ANKRD55: variants seen among roughly 807,000 people sequenced by gnomAD.
ANKRD55 encodes ankyrin repeat domain-containing protein 55.
A neutral mutation model predicts 60.6 loss-of-function variants in ANKRD55; 41 were observed. That is an observed-to-expected ratio of 0.68 (90% CI 0.53 to 0.88). The LOEUF (loss-of-function observed/expected upper bound fraction) is 0.88. Among genes scored for constraint, ANKRD55 ranks in the 40% least tolerant of loss-of-function variants. The probability of loss-of-function intolerance (pLI) is 0.00; values close to 1 mark genes in which losing one functional copy is unlikely to be tolerated. For missense variants in ANKRD55, 732 were observed against 767.6 expected, an observed-to-expected ratio of 0.95 and a Z score of 0.55; for synonymous variants, 264 against 290.3, an observed-to-expected ratio of 0.91 and a Z score of 0.92.
At chr5:56,175,997 A>G (rs2111821909) in intron 4 of ANKRD55, among the ~76,000 whole-genome samples, 155 bp downstream of exon 4, 1 of 152,258 alleles carries the variant, frequency 6.6e-6, no homozygotes, top group South Asian at 2.1e-4. Flanking sequence ...CTAAGTGGGG[A>G]TATAAACGTT....
intron 2 of ANKRD55, among the ~76,000 whole-genome samples, chr5:56,225,722 C>G (rs1760094355): frequency 6.6e-6 from 1 of 152,132 alleles, no homozygotes; most frequent in African/African-American, 2.4e-5. Context: ...CATGAGTGAA[C>G]TCCCATTCAC....
intron 7 of ANKRD55, among the ~76,000 whole-genome samples, chr5:56,133,163 G>A (rs432502): frequency 0.11 from 17,329 of 152,092 alleles, 1,352 homozygotes; most frequent in East Asian, 0.39. Flanking sequence ...TTAATTGGCC[G>A]GGCACGATGG....
chr5:56,137,465 G>T, intron 7 of ANKRD55: 1 of 807,948 alleles, frequency 1.2e-6, no homozygotes, highest in Non-Finnish European at 2.2e-6. Flanking sequence ...CAGAAGAGGA[G>T]ATTGCCCAGA....
At position 56,112,511 on chromosome 5, in the gene ANKRD55, A is replaced by AAAAAAAAAACAAAAAAAAAAAC. The variant is rs61268045; in HGVS notation, c.966-730_966-729insGTTTTTTTTTTTGTTTTTTTTT. On this transcript the variant is annotated intron_variant, in intron 9 of 11. Transcript: ENST00000341048. ...GCAGGATCTCATCTCTAGCAAAAAA[A>AAAAAAAAAACAAAAAAAAAAAC]AAAAAAAAAAACAACCAAGGAAAGA... Among the ~76,000 whole-genome samples, 43 of 81,344 alleles carry AAAAAAAAAACAAAAAAAAAAAC rather than the reference A, an allele frequency of 5.3e-4. 1 individual carries two copies. Among genetic ancestry groups the AAAAAAAAAACAAAAAAAAAAAC allele is most frequent in the Admixed American group, 7.2e-4 (5 of 6,980 alleles). The allele number at this position is 81,344 out of a possible 152,430, so 53.4% of individuals were successfully genotyped here.
chr5:56,183,921 G>T (rs1444587599), intron 2 of ANKRD55, among the ~76,000 whole-genome samples: 1 of 152,196 alleles, frequency 6.6e-6, no homozygotes, highest in Non-Finnish European at 1.5e-5. Flanking sequence ...AAGCCAGGGA[G>T]CCCAGAGAGG....
intron 11 of ANKRD55, among the ~76,000 whole-genome samples, chr5:56,102,054 C>G (rs111620450): frequency 1.3e-5 from 2 of 151,834 alleles, no homozygotes; most frequent in Admixed American, 1.3e-4. Context: ...CTCTGTTTTC[C>G]TGTAATTTAT....
chr5:56,165,797 T>C (rs1022166094), intron 5 of ANKRD55, among the ~76,000 whole-genome samples: 1 of 151,984 alleles, frequency 6.6e-6, no homozygotes, highest in Non-Finnish European at 1.5e-5. Flanking sequence ...GGCATGGTGG[T>C]GCGTGTCTGT....
At chr5:56,232,745 AACACACACACAC>A (rs142447793) in intron 2 of ANKRD55, 99 bp downstream of exon 2, 2 of 870,944 alleles carry the variant, frequency 2.3e-6, no homozygotes, top group Non-Finnish European at 3.6e-6. Flanking sequence ...CACGCACATG[AACACACACACAC>A]ACACACACAC....
intron 7 of ANKRD55, among the ~76,000 whole-genome samples, chr5:56,136,282 G>A (rs191556213): frequency 3.9e-5 from 6 of 152,204 alleles, no homozygotes; most frequent in African/African-American, 1.4e-4. Context: ...TATATGGAGA[G>A]GCAAAAGACA....
chr5:56,139,235 T>C (rs1055751742), intron 7 of ANKRD55, among the ~76,000 whole-genome samples: 2 of 152,176 alleles, frequency 1.3e-5, no homozygotes, highest in African/African-American at 4.8e-5. Context: ...ATTAACCCCA[T>C]TGGCCTGAGA....
At chr5:56,157,812 C>T (rs896562807) in intron 6 of ANKRD55, among the ~76,000 whole-genome samples, 3 of 152,120 alleles carry the variant, frequency 2.0e-5, no homozygotes, top group Admixed American at 6.6e-5. Context: ...ACTCAGAGAC[C>T]GGAGCCGGCG....
At chr5:56,102,281 T>C (rs1405037257) in intron 11 of ANKRD55, among the ~76,000 whole-genome samples, 2 of 151,988 alleles carry the variant, frequency 1.3e-5, no homozygotes, top group Non-Finnish European at 2.9e-5. Context: ...TCCCAGCTAC[T>C]TGGGAGGCTG....
chr5:56,153,575 C>T (rs1459498645), intron 6 of ANKRD55, among the ~76,000 whole-genome samples: 1 of 152,204 alleles, frequency 6.6e-6, no homozygotes, highest in Non-Finnish European at 1.5e-5. Flanking sequence ...TGCCGTGGCT[C>T]ACGCCTGTAA....
At chr5:56,112,068 A>T (rs1489416602) in intron 9 of ANKRD55, among the ~76,000 whole-genome samples, 1 of 152,158 alleles carries the variant, frequency 6.6e-6, no homozygotes, top group East Asian at 1.9e-4. Flanking sequence ...TTACACCTAG[A>T]TCATCTGTTT....
chr5:56,124,958 T>C (rs1757196631), intron 8 of ANKRD55, among the ~76,000 whole-genome samples: 1 of 152,238 alleles, frequency 6.6e-6, no homozygotes. Context: ...AGGACTCTTC[T>C]GGATATTTTA....
intron 4 of ANKRD55, among the ~76,000 whole-genome samples, chr5:56,175,138 A>G (rs1252528496): frequency 6.6e-6 from 1 of 152,234 alleles, no homozygotes; most frequent in Non-Finnish European, 1.5e-5. Flanking sequence ...ATAGAAAATG[A>G]AAAAGTAGGC....
At chr5:56,166,111 T>TTTCTTTCTTTCTTTCTTTCTTTC (rs1561277661) in intron 5 of ANKRD55, among the ~76,000 whole-genome samples, 29 of 76,196 alleles carry the variant, frequency 3.8e-4, no homozygotes, top group African/African-American at 1.8e-3. Flanking sequence ...TCTTTCTTTC[T>TTTCTTTCTTTCTTTCTTTCTTTC]TTCTTTCTTT....
intron 8 of ANKRD55, among the ~76,000 whole-genome samples, chr5:56,117,638 G>C (rs907494136): frequency 2.6e-5 from 4 of 152,064 alleles, no homozygotes; most frequent in Admixed American, 6.5e-5. Context: ...ATTTTTAGTA[G>C]AGACGGGGTT....
chr5:56,224,758 A>C, intron 2 of ANKRD55, among the ~76,000 whole-genome samples: 1 of 152,224 alleles, frequency 6.6e-6, no homozygotes, highest in Admixed American at 6.5e-5. Context: ...TCCTGGACAC[A>C]TACACCCTCC....
Sources: gnomAD v4.1 joint callset for allele counts (sites outside exome capture counted in the v4.1 genomes callset) on GRCh38, gnomAD v4.1.1 for gene constraint, MANE v1.5 for transcripts, NCBI Gene and HGNC (gene_info 2026-07-23, HGNC 2026-07-21) for gene names.